Variants in SLCO1B3 observed in about 807,000 individuals in gnomAD.
The protein encoded by SLCO1B3 is solute carrier organic anion transporter family member 1B3.
Under a neutral mutation model 71.8 loss-of-function variants are expected in SLCO1B3, and 72 were observed. The observed-to-expected ratio is 1.00, with a 90% CI of 0.83 to 1.22. The LOEUF (loss-of-function observed/expected upper bound fraction) is 1.22. Among genes scored for constraint, SLCO1B3 ranks in the 50% most tolerant of loss-of-function variants. The pLI is 0.00. For missense variants in SLCO1B3, 911 were observed against 819.7 expected, an observed-to-expected ratio of 1.11 and a Z score of -1.36; for synonymous variants, 298 against 278.4, an observed-to-expected ratio of 1.07 and a Z score of -0.70.
chr12:20,828,471 A>G (rs1168041208), intron 3 of SLCO1B3, among the ~76,000 whole-genome samples: 1 of 152,090 alleles, frequency 6.6e-6, no homozygotes, highest in East Asian at 1.9e-4. Flanking sequence ...GTTAGAAATG[A>G]TTTTAGGTCC....
At chr12:20,850,524 C>T (rs1373694938) in intron 3 of SLCO1B3, among the ~76,000 whole-genome samples, 1 of 152,102 alleles carries the variant, frequency 6.6e-6, no homozygotes, top group Non-Finnish European at 1.5e-5. Flanking sequence ...CCTCGTGATC[C>T]ACCCGCCTCG....
intron 3 of SLCO1B3, among the ~76,000 whole-genome samples, chr12:20,840,257 G>A (rs10743399): frequency 0.76 from 115,563 of 152,046 alleles, 45,391 homozygotes; most frequent in South Asian, 0.92. Context: ...ATAAAAACCT[G>A]CTATACATGT....
In SLCO1B3 at chr12:20,862,461, G is replaced by C; in HGVS notation, c.531G>C (p.Gly177=). 6.2e-7 allele frequency: 1 copy of C among 1,613,170 alleles called. No individual in the cohort carries two copies. Residue 177 remains glycine (G), a synonymous_variant, in exon 7 of 16, where the codon GGG becomes GGC. Transcript: ENST00000381545. ...ACATGTGGATCTATGTCTTCATGGG[G>C]AATATGCTTCGTGGCATAGGGGAAA... ...GSHMWIYVFM[G]NMLRGIGETP... is the part of the protein sequence containing the mutation.
At chr12:20,815,402 C>T (rs1429887468) in intron 2 of SLCO1B3, among the ~76,000 whole-genome samples, 3 of 151,942 alleles carry the variant, frequency 2.0e-5, no homozygotes, top group African/African-American at 4.8e-5. Context: ...TTCATACAAT[C>T]TAGTGTGTGG....
intron 15 of SLCO1B3, among the ~76,000 whole-genome samples, chr12:20,913,460 A>G (rs969913585): frequency 6.6e-6 from 1 of 152,120 alleles, no homozygotes; most frequent in Non-Finnish European, 1.5e-5. Flanking sequence ...TAGACACTCC[A>G]TTTTTACATG....
chr12:20,908,824 T>C (rs2120434237), intron 15 of SLCO1B3, among the ~76,000 whole-genome samples: 1 of 152,336 alleles, frequency 6.6e-6, no homozygotes, highest in East Asian at 1.9e-4. Context: ...TGGGCAATTA[T>C]AAATAAAAGT....
intron 3 of SLCO1B3, among the ~76,000 whole-genome samples, chr12:20,845,709 A>G (rs78660007): frequency 0.01 from 1,588 of 152,238 alleles, 19 homozygotes; most frequent in African/African-American, 0.035. Context: ...TCTTGGGTAG[A>G]ATGTTCTGTA....
At chr12:20,829,809 C>T (rs1864502318) in intron 3 of SLCO1B3, among the ~76,000 whole-genome samples, 1 of 152,136 alleles carries the variant, frequency 6.6e-6, no homozygotes, top group Non-Finnish European at 1.5e-5. Context: ...GTGGATTATT[C>T]ATGCCTCCCC....
intron 13 of SLCO1B3, among the ~76,000 whole-genome samples, chr12:20,894,084 C>T (rs543566910): frequency 1.4e-4 from 21 of 152,248 alleles, no homozygotes; most frequent in Non-Finnish European, 2.5e-4. Flanking sequence ...CCTCAAGAAA[C>T]AGCAGGTCAT....
intron 3 of SLCO1B3, among the ~76,000 whole-genome samples, chr12:20,821,306 A>T (rs1864300525): frequency 6.6e-6 from 1 of 152,146 alleles, no homozygotes; most frequent in Non-Finnish European, 1.5e-5. Context: ...TTTTTCTGGC[A>T]ATTTGTAACT....
At chr12:20,847,917 A>G (rs1003430160) in intron 3 of SLCO1B3, among the ~76,000 whole-genome samples, 1 of 152,116 alleles carries the variant, frequency 6.6e-6, no homozygotes, top group Non-Finnish European at 1.5e-5. Flanking sequence ...AAGTAAAAAA[A>G]CTGAAAGAAA....
Position 20,862,873 on chromosome 12 carries a change from A to G in SLCO1B3, c.727+19A>G, listed in dbSNP as rs1462711157. ...GATCTGAGTAAGTACAATTAGAACA[A>G]GGTACCATGATAGTGTCTTTTAAGT... On this transcript the variant is annotated intron_variant, in intron 8 of 15. Transcript: ENST00000381545. 2 of 1,367,294 alleles carry G rather than the reference A, an allele frequency of 1.5e-6. No homozygotes were observed. Among genetic ancestry groups the G allele is most frequent in the South Asian group, 2.4e-5 (2 of 83,532 alleles). 84.7% of individuals were successfully genotyped at this position (1,367,294 alleles called of 1,614,324 possible). A position where few individuals can be genotyped will look rare whatever the true frequency, so the allele number is the denominator to read the frequency against.
chr12:20,900,743 G>A (rs1373703909), intron 14 of SLCO1B3, among the ~76,000 whole-genome samples: 2 of 152,162 alleles, frequency 1.3e-5, no homozygotes, highest in African/African-American at 4.8e-5. Context: ...GGCTCTGATG[G>A]CACTAAGAAA....
At chr12:20,857,855 A>G (rs1865172734) in intron 4 of SLCO1B3, among the ~76,000 whole-genome samples, 1 of 152,080 alleles carries the variant, frequency 6.6e-6, no homozygotes, top group Admixed American at 6.5e-5. Flanking sequence ...CCATGTTTTA[A>G]TCTAAATAAT....
intron 9 of SLCO1B3, among the ~76,000 whole-genome samples, chr12:20,876,791 G>T (rs898425202): frequency 6.6e-6 from 1 of 151,832 alleles, no homozygotes; most frequent in Non-Finnish European, 1.5e-5. Flanking sequence ...TTTTTATTTT[G>T]TCTATGCTAT....
At chr12:20,833,382 A>G (rs1051389734) in intron 3 of SLCO1B3, among the ~76,000 whole-genome samples, 6 of 150,888 alleles carry the variant, frequency 4.0e-5, no homozygotes, top group African/African-American at 1.5e-4. Flanking sequence ...CATTACATCT[A>G]TATATTCTCC....
intron 3 of SLCO1B3, among the ~76,000 whole-genome samples, chr12:20,852,960 T>A (rs1192490013): frequency 6.6e-6 from 1 of 152,108 alleles, no homozygotes; most frequent in African/African-American, 2.4e-5. Flanking sequence ...GTAGGTTGAA[T>A]TAATATTAAT....
intron 3 of SLCO1B3, among the ~76,000 whole-genome samples, chr12:20,836,591 T>G (rs1488226400): frequency 6.6e-6 from 1 of 152,194 alleles, no homozygotes; most frequent in Non-Finnish European, 1.5e-5. Flanking sequence ...TCTTAAATGT[T>G]TGGTATAATT....
chr12:20,869,198 T>TGC (rs1555157184), intron 8 of SLCO1B3, among the ~76,000 whole-genome samples: 109,699 of 151,664 alleles, frequency 0.72, 42,277 homozygotes, highest in South Asian at 0.9. Context: ...TGACACTTCT[T>TGC]GCTACCGCTA....
Sources: gnomAD v4.1 joint callset for allele counts (sites outside exome capture counted in the v4.1 genomes callset) on GRCh38, gnomAD v4.1.1 for gene constraint, MANE v1.5 for transcripts, NCBI Gene and HGNC (gene_info 2026-07-23, HGNC 2026-07-21) for gene names.